The following CFAP61 variants were observed in gnomAD, a reference collection of about 807,000 sequenced individuals.
CFAP61 encodes the protein cilia and flagella associated protein 61.
In CFAP61, 107 loss-of-function variants were observed where a neutral mutation model predicts 135.6. The observed-to-expected ratio is 0.79, with a 90% CI of 0.67 to 0.93. The LOEUF (loss-of-function observed/expected upper bound fraction) is 0.93, where lower values mean the gene tolerates loss of function less well. Among genes scored for constraint, CFAP61 ranks in the 40% least tolerant of loss-of-function variants. The probability of loss-of-function intolerance (pLI) is 0.00; values close to 1 mark genes in which losing one functional copy is unlikely to be tolerated. For synonymous variants in CFAP61, 575 were observed against 578.5 expected, an observed-to-expected ratio of 0.99 and a Z score of 0.09; for missense variants, 1,507 against 1,556.2, an observed-to-expected ratio of 0.97 and a Z score of 0.53.
intron 18 of CFAP61, among the ~76,000 whole-genome samples, chr20:20,230,246 C>G (rs2049027990): frequency 6.6e-6 from 1 of 152,192 alleles, no homozygotes; most frequent in Non-Finnish European, 1.5e-5. Context: ...TCATAATTCT[C>G]TATCATCATT....
intron 8 of CFAP61, among the ~76,000 whole-genome samples, chr20:20,137,112 GTC>G (rs377019356): frequency 3.9e-5 from 6 of 152,166 alleles, no homozygotes; most frequent in Admixed American, 6.5e-5. Context: ...AACAAATGAA[GTC>G]TCTCTCTCTG....
At chr20:20,170,178 G>A (rs901121818) in intron 13 of CFAP61, among the ~76,000 whole-genome samples, 2 of 152,116 alleles carry the variant, frequency 1.3e-5, no homozygotes, top group Non-Finnish European at 2.9e-5. Flanking sequence ...AAAGTAATAC[G>A]GAGTGCTGGA....
chr20:20,259,422 A>AT (rs11480895), intron 20 of CFAP61, among the ~76,000 whole-genome samples: 9,844 of 135,582 alleles, frequency 0.073, 752 homozygotes, highest in African/African-American at 0.2. Context: ...AACCCAGCTA[A>AT]TTTTTTTTTT....
intron 18 of CFAP61, 129 bp downstream of exon 18, chr20:20,228,505 A>AG: frequency 5.6e-6 from 4 of 713,294 alleles, no homozygotes; most frequent in Non-Finnish European, 9.3e-6. Context: ...GCCTATGTGG[A>AG]TGGATGAATC....
chr20:20,231,355 C>T (rs1027644774), intron 18 of CFAP61, among the ~76,000 whole-genome samples: 2 of 152,138 alleles, frequency 1.3e-5, no homozygotes, highest in African/African-American at 4.8e-5. Context: ...CCTCCAGCAC[C>T]GGGAGACATG....
chr20:20,293,026 C>G (rs770323811), intron 24 of CFAP61, among the ~76,000 whole-genome samples: 3 of 152,110 alleles, frequency 2.0e-5, no homozygotes, highest in Admixed American at 1.3e-4. Flanking sequence ...AAATCTGCCA[C>G]CAGTGAGGTG....
At chr20:20,299,288 C>G (rs559810770) in intron 25 of CFAP61, among the ~76,000 whole-genome samples, 1 of 152,186 alleles carries the variant, frequency 6.6e-6, no homozygotes, top group Non-Finnish European at 1.5e-5. Context: ...GTCAGGAAGT[C>G]CCTCTCTGAT....
chr20:20,113,389 C>T, intron 8 of CFAP61, among the ~76,000 whole-genome samples: 1 of 152,146 alleles, frequency 6.6e-6, no homozygotes, highest in East Asian at 1.9e-4. Context: ...TATCTTTTAT[C>T]AATACAAAAT....
chr20:20,309,759 A>G (rs1240276902), intron 25 of CFAP61, among the ~76,000 whole-genome samples: 1 of 152,234 alleles, frequency 6.6e-6, no homozygotes, highest in Non-Finnish European at 1.5e-5. Flanking sequence ...CTCTGATAAA[A>G]TACCTCAGAA....
chr20:20,323,350 C>T (rs1159829395), intron 25 of CFAP61: 17 of 974,614 alleles, frequency 1.7e-5, no homozygotes, highest in Non-Finnish European at 2.0e-5. Context: ...TACTTTCAAA[C>T]ACAATTTGTT....
chr20:20,107,389 G>A (rs1382402297), intron 8 of CFAP61, among the ~76,000 whole-genome samples: 1 of 152,146 alleles, frequency 6.6e-6, no homozygotes, highest in Non-Finnish European at 1.5e-5. Flanking sequence ...AGAAGACCTG[G>A]TAGAGGCATC....
chr20:20,091,012 A>AT, intron 7 of CFAP61, 36 bp downstream of exon 7: 1 of 1,609,082 alleles, frequency 6.2e-7, no homozygotes, highest in South Asian at 1.1e-5. Context: ...ACACTTAGTG[A>AT]GAGGAAGGAG....
intron 8 of CFAP61, among the ~76,000 whole-genome samples, chr20:20,123,150 G>A (rs767374177): frequency 2.6e-5 from 4 of 151,014 alleles, no homozygotes; most frequent in East Asian, 1.9e-4. Flanking sequence ...GTTTGAGTTC[G>A]TTGTAGATTC....
In CFAP61 at chr20:20,075,234, C is replaced by T. The variant is rs372098405; in HGVS notation, c.417C>T (p.Ile139=). 6.9e-5 allele frequency: 112 copies of T among 1,614,014 alleles called. 2 individuals carry two copies. Among genetic ancestry groups the T allele is most frequent in the Middle Eastern group, 4.9e-4 (3 of 6,084 alleles). The change falls in exon 5 of 27, where the codon ATC becomes ATT. Residue 139 remains isoleucine, a synonymous_variant. Transcript: ENST00000245957. ...CAGAGCTGCACTTCATATTTCTCAT[C>T]GTGCCATCCTACATGAGCCTAGGTA... ...AVPELHFIFL[I]VPSYMSLGST...
At chr20:20,061,395 C>T (rs1223210082) in intron 2 of CFAP61, among the ~76,000 whole-genome samples, 1 of 152,104 alleles carries the variant, frequency 6.6e-6, no homozygotes, top group Non-Finnish European at 1.5e-5. Context: ...TGGCTCAAAA[C>T]AAAACAGTCA....
At chr20:20,281,582 A>G (rs1466606067) in intron 22 of CFAP61, among the ~76,000 whole-genome samples, 2 of 152,178 alleles carry the variant, frequency 1.3e-5, no homozygotes, top group Non-Finnish European at 2.9e-5. Flanking sequence ...AGCCAGCCTT[A>G]TATCTCTGGA....
At chr20:20,355,385 G>A (rs56086441) in intron 26 of CFAP61, among the ~76,000 whole-genome samples, 2 of 90,706 alleles carry the variant, frequency 2.2e-5, no homozygotes, top group African/African-American at 8.9e-5. Flanking sequence ...TAGTGACACT[G>A]TGAGCAGAGA....
chr20:20,054,285 T>C (rs2044089588), intron 1 of CFAP61, among the ~76,000 whole-genome samples: 1 of 152,042 alleles, frequency 6.6e-6, no homozygotes, highest in Admixed American at 6.5e-5. Context: ...AGGTTAATGG[T>C]TATTTTTTCC....
At chr20:20,133,681 C>T (rs1308192356) in intron 8 of CFAP61, among the ~76,000 whole-genome samples, 1 of 152,220 alleles carries the variant, frequency 6.6e-6, no homozygotes, top group South Asian at 2.1e-4. Flanking sequence ...GAGACACAAA[C>T]TTCAGCTTAA....
Sources: gnomAD v4.1 joint callset for allele counts (sites outside exome capture counted in the v4.1 genomes callset) on GRCh38, gnomAD v4.1.1 for gene constraint, MANE v1.5 for transcripts, NCBI Gene and HGNC (gene_info 2026-07-23, HGNC 2026-07-21) for gene names.